CDK17: variants seen among roughly 807,000 people sequenced by gnomAD.
The protein encoded by CDK17 is cyclin dependent kinase 17, also known as cyclin-dependent kinase 17.
In CDK17, 24 loss-of-function variants were observed where a neutral mutation model predicts 77.6. The ratio of observed to expected loss-of-function variants is 0.31; its 90% CI spans 0.22 to 0.44. The LOEUF (loss-of-function observed/expected upper bound fraction) is 0.44, where lower values mean the gene tolerates loss of function less well. Ranked by LOEUF, CDK17 falls within the 20% of genes least tolerant of loss-of-function variation. The probability of loss-of-function intolerance (pLI) is 1.00; values close to 1 mark genes in which losing one functional copy is unlikely to be tolerated. For missense variants in CDK17, 429 were observed against 622.5 expected (o/e 0.69, Z 3.31); for synonymous variants, 203 against 210.4 (o/e 0.96, Z 0.30).
chr12:96,281,189 G>A (rs974510759), intron 15 of CDK17, among the ~76,000 whole-genome samples: 14 of 152,132 alleles, frequency 9.2e-5, no homozygotes, highest in African/African-American at 3.1e-4. Context: ...GGGAGACCCA[G>A]TCAAAATATA....
intron 1 of CDK17, among the ~76,000 whole-genome samples, chr12:96,374,292 G>T (rs954280164): frequency 2.6e-5 from 4 of 152,160 alleles, no homozygotes; most frequent in African/African-American, 9.7e-5. Context: ...GTCATGAACT[G>T]AATAGTTCTG....
chr12:96,379,483 T>C (rs1009271470), intron 1 of CDK17, among the ~76,000 whole-genome samples: 2 of 152,116 alleles, frequency 1.3e-5, no homozygotes, highest in African/African-American at 4.8e-5. Context: ...TGGAGTGCAG[T>C]GCCATCATAG....
At chr12:96,345,696 G>A (rs1022564494) in intron 1 of CDK17, among the ~76,000 whole-genome samples, 8 of 152,066 alleles carry the variant, frequency 5.3e-5, no homozygotes, top group African/African-American at 1.9e-4. Context: ...ATACTACTAA[G>A]TTGGTATTAT....
At chr12:96,316,594 C>T (rs555752942) in intron 3 of CDK17, among the ~76,000 whole-genome samples, 71 of 142,420 alleles carry the variant, frequency 5.0e-4, no homozygotes, top group African/African-American at 1.3e-3. Context: ...TCTCCCAGCA[C>T]GCAGCTGGAG....
intron 1 of CDK17, among the ~76,000 whole-genome samples, chr12:96,348,975 C>G (rs1444061127): frequency 6.6e-6 from 1 of 152,098 alleles, no homozygotes; most frequent in Non-Finnish European, 1.5e-5. Context: ...ACACCAAAGC[C>G]AAACAAAGAC....
chr12:96,400,314 C>G lies in CDK17; in HGVS notation c.-358G>C. ...GGCGGGCGCCGACGGCGGGCTGAGA[C>G]TGTCTGGCCGGGCGCTGGCTCCTTC... On this transcript the variant is annotated 5_prime_UTR_variant, in exon 1 of 17. Transcript: ENST00000261211. 1 of 389,058 alleles carries G rather than the reference C, an allele frequency of 2.6e-6. No individual in the cohort carries two copies. The highest frequency in any genetic ancestry group is 4.5e-6 in the Non-Finnish European group (1 of 219,882). 24.1% of individuals were successfully genotyped at this position (389,058 alleles called of 1,614,324 possible). A position where few individuals can be genotyped will look rare whatever the true frequency, so the allele number is the denominator to read the frequency against.
intron 1 of CDK17, among the ~76,000 whole-genome samples, chr12:96,347,945 C>T (rs1027318482): frequency 2.0e-5 from 3 of 151,966 alleles, no homozygotes; most frequent in Non-Finnish European, 4.4e-5. Flanking sequence ...TATTCTCAAA[C>T]AAGCAACTGA....
At chr12:96,290,075 A>G (rs1218639167) in intron 10 of CDK17, among the ~76,000 whole-genome samples, 3 of 152,228 alleles carry the variant, frequency 2.0e-5, no homozygotes, top group Admixed American at 6.5e-5. Context: ...AAAGTTTACG[A>G]ATTTGTGTTG....
intron 9 of CDK17, among the ~76,000 whole-genome samples, chr12:96,296,088 G>A (rs1952401255): frequency 6.6e-6 from 1 of 152,096 alleles, no homozygotes; most frequent in Non-Finnish European, 1.5e-5. Flanking sequence ...CTATTTAAAT[G>A]AATTCTTGTT....
intron 5 of CDK17, among the ~76,000 whole-genome samples, chr12:96,307,437 T>C (rs1952590365): frequency 6.6e-6 from 1 of 152,182 alleles, no homozygotes; most frequent in South Asian, 2.1e-4. Context: ...TTAAAAAAAT[T>C]ACATGGTGAT....
intron 1 of CDK17, among the ~76,000 whole-genome samples, chr12:96,388,466 C>T (rs759265488): frequency 7.2e-5 from 11 of 152,256 alleles, no homozygotes; most frequent in South Asian, 4.1e-4. Context: ...GCTACAGTTA[C>T]GCTCAAATCT....
chr12:96,364,406 C>T (rs1026270453), intron 1 of CDK17, among the ~76,000 whole-genome samples: 1 of 152,218 alleles, frequency 6.6e-6, no homozygotes, highest in African/African-American at 2.4e-5. Flanking sequence ...TCTTCAAAAA[C>T]ACAGGTATTA....
chr12:96,342,876 C>T (rs1336798085), intron 1 of CDK17, among the ~76,000 whole-genome samples: 1 of 151,944 alleles, frequency 6.6e-6, no homozygotes, highest in Non-Finnish European at 1.5e-5. Context: ...GCAGGAGAAT[C>T]GCTTGAACCC....
intron 1 of CDK17, among the ~76,000 whole-genome samples, chr12:96,366,007 G>A (rs1233428877): frequency 6.6e-6 from 1 of 152,086 alleles, no homozygotes; most frequent in Non-Finnish European, 1.5e-5. Context: ...CTCTCCTTTG[G>A]CAGAATCAAA....
At chr12:96,302,009 T>C (rs928450865) in intron 5 of CDK17, among the ~76,000 whole-genome samples, 17 of 152,280 alleles carry the variant, frequency 1.1e-4, no homozygotes, top group South Asian at 6.2e-4. Context: ...ACAGGTATTA[T>C]TGAATGAATG....
chr12:96,358,350 C>T lies in CDK17; in HGVS notation c.-29-23485G>A, dbSNP rs573839279. On this transcript the variant is annotated intron_variant, in intron 1 of 16. Coordinates refer to ENST00000261211, the MANE Select transcript of CDK17 (RefSeq NM_002595.5). The stretch of plus-strand genomic sequence containing the variant: ...ACCAGTGAGGATCTTGTCATAAGCC[C>T]AGAACTCTGTGCAAACTTGTAAAAA... Among the ~76,000 whole-genome samples the T allele has an allele frequency of 2.8e-5, 3 of 108,780 alleles. No individual in the cohort carries two copies. In the South Asian group the frequency reaches 8.4e-4, roughly 31 times the overall value. The allele number at this position is 108,780 out of a possible 152,430, so 71.4% of individuals were successfully genotyped here.
At chr12:96,293,001 T>C (rs1202331998) in intron 10 of CDK17, among the ~76,000 whole-genome samples, 1 of 152,194 alleles carries the variant, frequency 6.6e-6, no homozygotes, top group Non-Finnish European at 1.5e-5. Context: ...ATCAAAGACC[T>C]AAAGAGCTTT....
chr12:96,332,779 T>C (rs940773387), intron 2 of CDK17, among the ~76,000 whole-genome samples: 1 of 152,210 alleles, frequency 6.6e-6, no homozygotes, highest in East Asian at 1.9e-4. Flanking sequence ...TTACTACCTA[T>C]TAAAAGTTAC....
chr12:96,381,424 A>T (rs1310877198), intron 1 of CDK17, among the ~76,000 whole-genome samples: 1 of 152,010 alleles, frequency 6.6e-6, no homozygotes, highest in African/African-American at 2.4e-5. Context: ...GGTAACAGGA[A>T]GTCTATTTCA....
Sources: gnomAD v4.1 joint callset for allele counts (sites outside exome capture counted in the v4.1 genomes callset) on GRCh38, gnomAD v4.1.1 for gene constraint, MANE v1.5 for transcripts, NCBI Gene and HGNC (gene_info 2026-07-23, HGNC 2026-07-21) for gene names.